Variants in GPC5 observed in about 807,000 individuals in gnomAD.
GPC5 encodes the protein glypican 5, also known as glypican-5.
A neutral mutation model predicts 53.9 loss-of-function variants in GPC5; 47 were observed. The observed-to-expected ratio is 0.87, with a 90% confidence interval of 0.69 to 1.11. The LOEUF (loss-of-function observed/expected upper bound fraction) is 1.11. Among genes scored for constraint, GPC5 ranks in the 50% most tolerant of loss-of-function variants. GPC5 has a pLI of 0.00. For synonymous variants in GPC5, 286 were observed against 263.3 expected (o/e 1.09, Z -0.84); for missense variants, 748 against 713.1 (o/e 1.05, Z -0.56).
Position 91,549,334 on chromosome 13 carries a change from G to A in GPC5, c.325+100412G>A, listed in dbSNP as rs920139122. Among the ~76,000 whole-genome samples the A allele has an allele frequency of 3.3e-5, 5 of 150,922 alleles. No homozygotes were observed. In the South Asian group the frequency reaches 6.3e-4, roughly 19 times the overall value. On this transcript the variant is annotated intron_variant, in intron 2 of 7. Coordinates refer to ENST00000377067, the MANE Select transcript of GPC5 (RefSeq NM_004466.6). The stretch of plus-strand genomic sequence containing the variant: ...TACAGGAGAAGATCTAGATAACTAT[G>A]GGTGTGGTTATGACTTTTTAGATGG...
At chr13:91,690,344 T>G (rs1261349030) in intron 2 of GPC5, among the ~76,000 whole-genome samples, 2 of 152,084 alleles carry the variant, frequency 1.3e-5, no homozygotes, top group African/African-American at 4.8e-5. Flanking sequence ...TTTTAAAGAA[T>G]AAAACTGAAT....
intron 7 of GPC5, among the ~76,000 whole-genome samples, chr13:92,795,933 C>T (rs893331922): frequency 6.6e-6 from 1 of 152,076 alleles, no homozygotes; most frequent in Non-Finnish European, 1.5e-5. Context: ...ACTAGTTCAA[C>T]CATTGTGGAA....
chr13:92,142,186 T>C (rs556226420), intron 6 of GPC5, among the ~76,000 whole-genome samples: 1 of 152,292 alleles, frequency 6.6e-6, no homozygotes, highest in African/African-American at 2.4e-5. Flanking sequence ...CCCTAGAACT[T>C]AAAGTATAAT....
chr13:91,728,785 C>T, intron 4 of GPC5, 120 bp downstream of exon 4: 1 of 1,005,318 alleles, frequency 9.9e-7, no homozygotes, highest in South Asian at 2.5e-5. Context: ...AAAAAAGGAT[C>T]AATATTCATT....
chr13:92,317,851 C>T (rs1194775250), intron 7 of GPC5, among the ~76,000 whole-genome samples: 1 of 152,012 alleles, frequency 6.6e-6, no homozygotes, highest in Non-Finnish European at 1.5e-5. Flanking sequence ...TTGGACTCTG[C>T]TCCTCTAATT....
intron 2 of GPC5, among the ~76,000 whole-genome samples, chr13:91,690,423 A>G (rs1041860838): frequency 7.9e-5 from 12 of 152,154 alleles, no homozygotes; most frequent in African/African-American, 2.9e-4. Flanking sequence ...TTTAATTACA[A>G]ACTCAAAGAG....
At chr13:91,993,090 T>C (rs1566382817) in intron 6 of GPC5, among the ~76,000 whole-genome samples, 1 of 152,242 alleles carries the variant, frequency 6.6e-6, no homozygotes, top group Non-Finnish European at 1.5e-5. Context: ...TTATTTGCAC[T>C]CTCTCTGAGA....
intron 7 of GPC5, among the ~76,000 whole-genome samples, chr13:92,594,445 C>G (rs1042727657): frequency 6.6e-6 from 1 of 152,086 alleles, no homozygotes; most frequent in Non-Finnish European, 1.5e-5. Context: ...CAGTCCTTAC[C>G]CTACTTCCTT....
At chr13:91,932,888 A>G (rs557264407) in intron 6 of GPC5, among the ~76,000 whole-genome samples, 4 of 152,098 alleles carry the variant, frequency 2.6e-5, no homozygotes, top group Middle Eastern at 3.4e-3. Context: ...GTAATTCTTA[A>G]TAAGTATTAC....
At chr13:91,785,737 C>T (rs569744744) in intron 5 of GPC5, among the ~76,000 whole-genome samples, 1 of 152,300 alleles carries the variant, frequency 6.6e-6, no homozygotes, top group African/African-American at 2.4e-5. Flanking sequence ...TGACTTTTCA[C>T]CTTATCCACA....
intron 6 of GPC5, among the ~76,000 whole-genome samples, chr13:92,043,140 A>T (rs1025209843): frequency 3.3e-5 from 5 of 152,210 alleles, no homozygotes; most frequent in African/African-American, 9.7e-5. Flanking sequence ...AACATTAATT[A>T]CACAAATATA....
chr13:92,734,840 C>T (rs1161091859), intron 7 of GPC5, among the ~76,000 whole-genome samples: 2 of 151,860 alleles, frequency 1.3e-5, no homozygotes, highest in Non-Finnish European at 2.9e-5. Context: ...AAATACTTTG[C>T]AGTCTTCCTA....
chr13:92,777,022 CAAAAAAAAAA>C (rs1243297680), intron 7 of GPC5, among the ~76,000 whole-genome samples: 9 of 26,670 alleles, frequency 3.4e-4, no homozygotes, highest in Non-Finnish European at 4.6e-4. Flanking sequence ...GACCCTGCCT[CAAAAAAAAAA>C]AAAAAAAAAA....
At position 91,641,675 on chromosome 13, in the gene GPC5, G is replaced by C. The variant is rs2034434105; in HGVS notation, c.326-51512G>C. Among the ~76,000 whole-genome samples the C allele has an allele frequency of 2.6e-5, 4 of 152,162 alleles. No homozygotes were observed. In the South Asian group the frequency reaches 8.3e-4, roughly 31 times the overall value. The stretch of plus-strand genomic sequence containing the variant: ...TGCACTTCATAGGAAATTTTGTTTT[G>C]TTATAGAACATCAACACTATTCACC... On this transcript the variant is annotated intron_variant, in intron 2 of 7. Coordinates refer to ENST00000377067, the MANE Select transcript of GPC5 (RefSeq NM_004466.6).
intron 6 of GPC5, among the ~76,000 whole-genome samples, chr13:91,979,036 A>G (rs1388622460): frequency 6.6e-6 from 1 of 152,164 alleles, no homozygotes; most frequent in East Asian, 1.9e-4. Context: ...ATTTACTGAG[A>G]AGGGATAGAA....
At chr13:91,941,340 CT>C (rs1362418880) in intron 6 of GPC5, among the ~76,000 whole-genome samples, 1 of 151,842 alleles carries the variant, frequency 6.6e-6, no homozygotes, top group African/African-American at 2.4e-5. Flanking sequence ...AGGCTCTGGG[CT>C]TTTTTATTTT....
intron 7 of GPC5, among the ~76,000 whole-genome samples, chr13:92,519,104 G>A (rs1398849752): frequency 1.3e-5 from 2 of 152,114 alleles, no homozygotes; most frequent in Admixed American, 6.6e-5. Flanking sequence ...TGCACCCAAT[G>A]CAGGAGCACC....
At chr13:91,421,489 T>C (rs928721519) in intron 1 of GPC5, among the ~76,000 whole-genome samples, 1 of 152,222 alleles carries the variant, frequency 6.6e-6, no homozygotes, top group African/African-American at 2.4e-5. Context: ...TCCTTCCTCA[T>C]CCTCCAAGTG....
intron 7 of GPC5, among the ~76,000 whole-genome samples, chr13:92,518,781 T>A (rs1471912501): frequency 6.6e-6 from 1 of 152,136 alleles, no homozygotes; most frequent in African/African-American, 2.4e-5. Flanking sequence ...CATAACAATA[T>A]TAACCTTAAA....
Sources: gnomAD v4.1 joint callset for allele counts (sites outside exome capture counted in the v4.1 genomes callset) on GRCh38, gnomAD v4.1.1 for gene constraint, MANE v1.5 for transcripts, NCBI Gene and HGNC (gene_info 2026-07-23, HGNC 2026-07-21) for gene names.